Variants in RFTN1 observed in about 807,000 individuals in gnomAD.
The protein encoded by RFTN1 is raftlin.
In RFTN1, 26 loss-of-function variants were observed where a neutral mutation model predicts 46.5. The ratio of observed to expected loss-of-function variants is 0.56; its 90% CI spans 0.41 to 0.78. RFTN1 has a LOEUF of 0.78. Among genes scored for constraint, RFTN1 ranks in the 30% least tolerant of loss-of-function variants. RFTN1 has a pLI of 0.00. For synonymous variants in RFTN1, 261 were observed against 284.2 expected, an observed-to-expected ratio of 0.92 and a Z score of 0.82; for missense variants, 693 against 718.7, an observed-to-expected ratio of 0.96 and a Z score of 0.41.
rs1205687444 is a variant in RFTN1, at chr3:16,346,194, C to T, written c.1146+11738G>A. 6.6e-6 allele frequency: 1 copy of T among 152,146 alleles called. No individual in the cohort carries two copies. Among genetic ancestry groups the T allele is most frequent in the Non-Finnish European group, 1.5e-5 (1 of 68,016 alleles). The allele number at this position is 152,146 out of a possible 1,614,324, so 9.4% of individuals were successfully genotyped here. On this transcript the variant is annotated intron_variant, in intron 7 of 9. Transcript: ENST00000334133. This position sits in a 1 kb window ranked among gnomAD's most constrained non-coding sequence, Gnocchi z 4.4. ...GGTGCACATTCATTTTTAATGACTA[C>T]ACACCTTCCCTTGACTAAATGGAAT... is the stretch of plus-strand genomic sequence containing the variant.
rs182250031 is a variant in RFTN1 at position 16,374,506 on chromosome 3, C to T, written c.826+3212G>A. On this transcript the variant is annotated intron_variant, in intron 5 of 9. Coordinates refer to ENST00000334133, the MANE Select transcript of RFTN1 (RefSeq NM_015150.2). This position sits in a 1 kb window ranked among gnomAD's most constrained non-coding sequence, Gnocchi z 5.4. The stretch of plus-strand genomic sequence containing the variant: ...CCAGGTTTTGGCCATTCACAATGAG[C>T]TGGCAGCCAGGGAGGGCTACTGAAT... 9.6e-4 allele frequency among the ~76,000 whole-genome samples: 147 copies of T among 152,338 alleles called. No homozygotes were observed. The highest frequency in any genetic ancestry group is 1.8e-3 in the Admixed American group (27 of 15,306).
At position 16,433,946 on chromosome 3, in the gene RFTN1, C is replaced by T; in HGVS notation, c.237G>A (p.Leu79=). Residue 79 remains leucine (L), a synonymous_variant, in exon 3 of 10, where the codon CTG becomes CTA. Coordinates refer to ENST00000334133, the MANE Select transcript of RFTN1 (RefSeq NM_015150.2). The surrounding 1 kb of genome is among the most constrained non-coding windows in gnomAD (Gnocchi z 4.4). ...GCTGCACGAAGGGGTGCAGGGCCGC[C>T]AGCGAGAAGCCCTGCTGGTACAGCT... The part of the protein sequence containing the change: ...LLELYQQGFS[L]AALHPFVQPT... The T allele has an allele frequency of 6.2e-7, 1 of 1,614,142 alleles. No homozygotes were observed. Among genetic ancestry groups the T allele is most frequent in the Non-Finnish European group, 8.5e-7 (1 of 1,180,044 alleles).
intron 1 of RFTN1, among the ~76,000 whole-genome samples, chr3:16,495,666 G>A (rs541224481): frequency 1.3e-5 from 2 of 152,374 alleles, no homozygotes; most frequent in South Asian, 2.1e-4. Flanking sequence ...CTACCTGAAG[G>A]GAAAGGGCAG....
chr3:16,483,959 C>T lies in RFTN1; in HGVS notation c.145+9766G>A, dbSNP rs2076407657. 6.6e-6 allele frequency among the ~76,000 whole-genome samples: 1 copy of T among 152,180 alleles called. No homozygotes were observed. The highest frequency in any genetic ancestry group is 2.1e-4 in the South Asian group (1 of 4,828). ...AAGCCCTCCAGGCTATTCTGATTCA[C>T]TCTCAAGGTTGGGAACCACTCCTTT... On this transcript the variant is annotated intron_variant, in intron 2 of 9. Transcript: ENST00000334133. The surrounding 1 kb of genome is among the most constrained non-coding windows in gnomAD (Gnocchi z 4.8).
In RFTN1 at chr3:16,323,359, C is replaced by A. The variant is rs1426960319; in HGVS notation, c.1332+17G>T. ...CCCTGCTGAGGAAAACCTAGGAAGG[C>A]CATCAAAGTCTCTTACCTTCGATTC... On this transcript the variant is annotated intron_variant, in intron 9 of 9. Coordinates refer to ENST00000334133, the MANE Select transcript of RFTN1 (RefSeq NM_015150.2). 5 of 1,572,026 alleles carry A rather than the reference C, an allele frequency of 3.2e-6. No individual in the cohort carries two copies. The African/African-American group carries it at 6.8e-5, about 21-fold the overall frequency.
intron 6 of RFTN1, among the ~76,000 whole-genome samples, chr3:16,360,996 A>C (rs942617489): frequency 2.0e-5 from 3 of 152,208 alleles, no homozygotes; most frequent in Non-Finnish European, 2.9e-5. Flanking sequence ...ATATAATTTG[A>C]GTTTTCTTTT....
chr3:16,457,744 A>T lies in RFTN1; in HGVS notation c.146-23707T>A, dbSNP rs554927869. Among the ~76,000 whole-genome samples the T allele has an allele frequency of 6.6e-6, 1 of 152,326 alleles. No individual in the cohort carries two copies. Among genetic ancestry groups the T allele is most frequent in the African/African-American group, 2.4e-5 (1 of 41,564 alleles). On this transcript the variant is annotated intron_variant, in intron 2 of 9. Coordinates refer to ENST00000334133, the MANE Select transcript of RFTN1 (RefSeq NM_015150.2). The surrounding 1 kb of genome is among the most constrained non-coding windows in gnomAD (Gnocchi z 4.2). ...TATTAGACAAAGGAGACTTTTTACC[A>T]TTAAGACTTAATTCGATAGACATGG...
chr3:16,444,060 A>G (rs1199292904), intron 2 of RFTN1, among the ~76,000 whole-genome samples: 2 of 152,220 alleles, frequency 1.3e-5, no homozygotes, highest in Non-Finnish European at 2.9e-5. Flanking sequence ...TCATACATTT[A>G]AAAGTACTTT....
rs1192602111 is a variant in RFTN1, at chr3:16,326,852, C to T, written c.1171G>A (p.Val391Met). ...GCCGCCAGCGAGTTCAGCAGGGGCA[C>T]GTAGTCTGTCTGCACTTCGACACCC... ...LEGVEVQTDY[V>M]PLLNSLAAYG... The change falls in exon 8 of 10, where the codon GTG (valine) becomes ATG (methionine). Residue 391 changes from valine (V) to methionine (M), a missense_variant. Coordinates refer to ENST00000334133, the MANE Select transcript of RFTN1 (RefSeq NM_015150.2). 7 of 1,614,002 alleles carry T rather than the reference C, an allele frequency of 4.3e-6. No individual in the cohort carries two copies. Among genetic ancestry groups the T allele is most frequent in the South Asian group, 2.2e-5 (2 of 91,058 alleles).
At position 16,345,846 on chromosome 3, in the gene RFTN1, G is replaced by A. The variant is rs1451060266; in HGVS notation, c.1146+12086C>T. The stretch of plus-strand genomic sequence containing the variant: ...CGCGCGCGTGCGCGCACGCGCACAT[G>A]TGCATGTGTATGTGTATAATCTCCT... On this transcript the variant is annotated intron_variant, in intron 7 of 9. Coordinates refer to ENST00000334133, the MANE Select transcript of RFTN1 (RefSeq NM_015150.2). The surrounding 1 kb of genome is among the most constrained non-coding windows in gnomAD (Gnocchi z 5.2). Among the ~76,000 whole-genome samples, 2 of 97,092 alleles carry A rather than the reference G, an allele frequency of 2.1e-5. No individual in the cohort carries two copies. Among genetic ancestry groups the A allele is most frequent in the East Asian group, 2.7e-4 (1 of 3,752 alleles). 63.7% of individuals were successfully genotyped at this position (97,092 alleles called of 152,430 possible).
intron 6 of RFTN1, among the ~76,000 whole-genome samples, chr3:16,368,703 T>C (rs2073356971): frequency 6.6e-6 from 1 of 152,100 alleles, no homozygotes; most frequent in Admixed American, 6.5e-5. Context: ...ATGTATATTC[T>C]AGAACTGCAC....
intron 4 of RFTN1, among the ~76,000 whole-genome samples, chr3:16,390,267 G>T (rs534234286): frequency 6.6e-6 from 1 of 152,336 alleles, no homozygotes; most frequent in African/African-American, 2.4e-5. Context: ...AGACTGCAAT[G>T]ATTTTGTAAA....
At chr3:16,372,403 G>C (rs1219988931) in intron 5 of RFTN1, among the ~76,000 whole-genome samples, 1 of 152,194 alleles carries the variant, frequency 6.6e-6, no homozygotes, top group Non-Finnish European at 1.5e-5. Context: ...TCCCGAGAAT[G>C]GCTGCAGGTA....
rs1187818876 is a variant in RFTN1 at position 16,473,687 on chromosome 3, G to T, written c.145+20038C>A. ...CTCCCAAAGTGCTAAGATTACAGTT[G>T]TGAGCCACTGCACCTGGCCAAATAC... On this transcript the variant is annotated intron_variant, in intron 2 of 9. Transcript: ENST00000334133. This position sits in a 1 kb window ranked among gnomAD's most constrained non-coding sequence, Gnocchi z 5.3. Among the ~76,000 whole-genome samples the T allele has an allele frequency of 1.3e-5, 2 of 152,128 alleles. No individual in the cohort carries two copies. Among genetic ancestry groups the T allele is most frequent in the African/African-American group, 4.8e-5 (2 of 41,428 alleles).
intron 4 of RFTN1, among the ~76,000 whole-genome samples, chr3:16,391,613 CCAAT>C (rs1245206788): frequency 6.6e-6 from 1 of 152,094 alleles, no homozygotes; most frequent in Non-Finnish European, 1.5e-5. Context: ...AAAATAGTTA[CCAAT>C]CAATCAGCAA....
rs1370592246 is a variant in RFTN1, at chr3:16,425,242, A to T, written c.332+8609T>A. On this transcript the variant is annotated intron_variant, in intron 3 of 9. Transcript: ENST00000334133. This position sits in a 1 kb window ranked among gnomAD's most constrained non-coding sequence, Gnocchi z 4.3. ...CTAGAGAGTCAATTTTTACTTAAAG[A>T]TTGTATGTACATGTGGGAAGAGGGG... 6.6e-6 allele frequency among the ~76,000 whole-genome samples: 1 copy of T among 152,212 alleles called. No homozygotes were observed. The highest frequency in any genetic ancestry group is 1.5e-5 in the Non-Finnish European group (1 of 68,028).
intron 2 of RFTN1, among the ~76,000 whole-genome samples, chr3:16,482,341 A>G (rs2076380083): frequency 6.6e-6 from 1 of 152,212 alleles, no homozygotes; most frequent in African/African-American, 2.4e-5. Context: ...ACAGCATAAG[A>G]CAATGCTCAA....
chr3:16,494,081 T>C (rs1372730258), intron 1 of RFTN1, among the ~76,000 whole-genome samples: 1 of 152,156 alleles, frequency 6.6e-6, no homozygotes, highest in Non-Finnish European at 1.5e-5. Context: ...TCTGCTAAGA[T>C]ACTATTACCA....
intron 4 of RFTN1, among the ~76,000 whole-genome samples, chr3:16,388,690 G>A (rs748600649): frequency 3.9e-5 from 6 of 152,138 alleles, no homozygotes; most frequent in Non-Finnish European, 8.8e-5. Context: ...AAGAAAAGAA[G>A]TAGCAATAAG....
Sources: gnomAD v4.1 joint callset for allele counts (sites outside exome capture counted in the v4.1 genomes callset) on GRCh38, gnomAD v4.1.1 for gene constraint, Gnocchi (gnomAD v3.1) non-coding constraint, MANE v1.5 for transcripts, NCBI Gene and HGNC (gene_info 2026-07-23, HGNC 2026-07-21) for gene names.